Variants in CMTM6 observed in about 807,000 individuals in gnomAD.
CMTM6 encodes the protein CKLF-like MARVEL transmembrane domain-containing protein 6.
Under a neutral mutation model 13.6 loss-of-function variants are expected in CMTM6, and 5 were observed. The ratio of observed to expected loss-of-function variants is 0.37; its 90% confidence interval spans 0.19 to 0.77. The LOEUF (loss-of-function observed/expected upper bound fraction) is 0.77, where lower values mean the gene tolerates loss of function less well. CMTM6 is among the 30% of genes least tolerant of loss of function. CMTM6 has a pLI of 0.50. For missense variants in CMTM6, 196 were observed against 218.6 expected, an observed-to-expected ratio of 0.90 and a Z score of 0.65; for synonymous variants, 99 against 84.5, an observed-to-expected ratio of 1.17 and a Z score of -0.94.
chr3:32,485,102 TC>T (rs1488795918), intron 3 of CMTM6, among the ~76,000 whole-genome samples: 2 of 151,786 alleles, frequency 1.3e-5, no homozygotes, highest in East Asian at 3.9e-4. Context: ...ATGGCATTTA[TC>T]CCCTTATTTT....
intron 3 of CMTM6, among the ~76,000 whole-genome samples, chr3:32,487,349 CTAT>C (rs901158453): frequency 6.0e-5 from 9 of 150,770 alleles, no homozygotes; most frequent in Non-Finnish European, 1.2e-4. Flanking sequence ...ACTTTTTTTT[CTAT>C]TATTTTTTTT....
chr3:32,487,696 A>G, intron 3 of CMTM6: 1 of 337,322 alleles, frequency 3.0e-6, no homozygotes, highest in Non-Finnish European at 5.4e-6. Context: ...TCCATTAGCA[A>G]TAACACACGG....
chr3:32,492,271 T>C (rs915648019), intron 1 of CMTM6, among the ~76,000 whole-genome samples: 3 of 152,046 alleles, frequency 2.0e-5, no homozygotes, highest in Non-Finnish European at 4.4e-5. Context: ...AGAAGCAGTA[T>C]ATAGAAAGGC....
chr3:32,486,927 G>A (rs940589836), intron 3 of CMTM6, among the ~76,000 whole-genome samples: 6 of 152,066 alleles, frequency 3.9e-5, no homozygotes, highest in African/African-American at 7.2e-5. Context: ...CTTCCGCCTC[G>A]CCTTCTGCCA....
rs1460831480 is a variant in CMTM6, at chr3:32,502,656, G to A, written c.90C>T (p.Phe30=). The A allele has an allele frequency of 5.6e-6, 9 of 1,594,654 alleles. No homozygotes were observed. The highest frequency in any genetic ancestry group is 1.7e-5 in the Admixed American group (1 of 57,742). The change falls in exon 1 of 4, where the codon TTC becomes TTT. Residue 30 remains phenylalanine, a synonymous_variant. Transcript: ENST00000205636. ...GPRSGLAAYF[F]MGRLPLLRRV... is the part of the protein sequence containing the mutation. ...GCCGGAGCAATGGGAGCCGGCCCATGAAAAAGTAGGCAGCGAGGCCGCTCC... is the reference window on the plus strand; with the variant it reads ...GCCGGAGCAATGGGAGCCGGCCCATAAAAAAGTAGGCAGCGAGGCCGCTCC...
At position 32,487,944 on chromosome 3, in the gene CMTM6, A is replaced by G; in HGVS notation, c.408T>C (p.Ala136=). 6.2e-7 allele frequency: 1 copy of G among 1,609,270 alleles called. No individual in the cohort carries two copies. Among genetic ancestry groups the G allele is most frequent in the Non-Finnish European group, 8.5e-7 (1 of 1,176,108 alleles). ...AAAAATACAAGGTACTTACAATTGCAGCAATCTCAGCTGAAGTCCTGTCAT... is the reference window on the plus strand; with the variant it reads ...AAAAATACAAGGTACTTACAATTGCGGCAATCTCAGCTGAAGTCCTGTCAT... The part of the protein sequence containing the change: ...STHDRTSAEI[A]AIVFGFIASF... The change falls in exon 3 of 4, where the codon GCT becomes GCC. Residue 136 remains alanine, a synonymous_variant. Transcript: ENST00000205636.
In CMTM6 at chr3:32,502,799, G is replaced by A. The variant is rs1039294821; in HGVS notation, c.-54C>T. On this transcript the variant is annotated 5_prime_UTR_variant, in exon 1 of 4. Transcript: ENST00000205636. The stretch of plus-strand genomic sequence containing the variant: ...CAGCAACCGCGCCGTTGACTTCTCG[G>A]ACTCCAGAAGTCCCCGGTAGCCGGG... 16 of 1,375,914 alleles carry A rather than the reference G, an allele frequency of 1.2e-5. 1 individual carries two copies. In the South Asian group the frequency reaches 2.1e-4, roughly 18 times the overall value. 85.2% of individuals were successfully genotyped at this position (1,375,914 alleles called of 1,614,324 possible).
intron 1 of CMTM6, among the ~76,000 whole-genome samples, chr3:32,494,287 T>G (rs1359793554): frequency 6.6e-6 from 1 of 152,084 alleles, no homozygotes; most frequent in African/African-American, 2.4e-5. Context: ...ACTGATGACC[T>G]AAGTCAGAGG....
chr3:32,486,300 T>C (rs116149730), intron 3 of CMTM6, among the ~76,000 whole-genome samples: 2,270 of 152,358 alleles, frequency 0.015, 55 homozygotes, highest in African/African-American at 0.052. Flanking sequence ...TCCAAGGCCA[T>C]GATCCTTAAT....
chr3:32,486,449 A>G (rs563072405), intron 3 of CMTM6, among the ~76,000 whole-genome samples: 2 of 152,230 alleles, frequency 1.3e-5, no homozygotes, highest in African/African-American at 2.4e-5. Flanking sequence ...ATAAATATTC[A>G]TATGTTTTAC....
At chr3:32,501,397 T>A (rs1485802474) in intron 1 of CMTM6, among the ~76,000 whole-genome samples, 1 of 152,094 alleles carries the variant, frequency 6.6e-6, no homozygotes, top group Non-Finnish European at 1.5e-5. Flanking sequence ...AAAGAGCCCC[T>A]GATGCCTCGT....
At chr3:32,494,889 AGCCTCTGCTGATG>A (rs931786004) in intron 1 of CMTM6, among the ~76,000 whole-genome samples, 6 of 152,184 alleles carry the variant, frequency 3.9e-5, no homozygotes, top group African/African-American at 1.4e-4. Context: ...AGCACAGGGA[AGCCTCTGCTGATG>A]GCACAGTTCT....
rs1328141969 is a variant in CMTM6 at position 32,491,598 on chromosome 3, A to T, written c.315+112T>A. ...GAAGCAGAGCGAGTTGGAACAAGGG[A>T]TACTGTCTTTTCATGTTGCTGAGTT... On this transcript the variant is annotated intron_variant, in intron 2 of 3. Transcript: ENST00000205636. 5.4e-6 allele frequency: 5 copies of T among 930,564 alleles called. No individual in the cohort carries two copies. The East Asian group carries it at 1.0e-4, about 19-fold the overall frequency. The allele number at this position is 930,564 out of a possible 1,614,324, so 57.6% of individuals were successfully genotyped here. A position where few individuals can be genotyped will look rare whatever the true frequency, so the allele number is the denominator to read the frequency against.
chr3:32,484,355 A>G (rs1411122861), intron 3 of CMTM6, among the ~76,000 whole-genome samples: 1 of 152,192 alleles, frequency 6.6e-6, no homozygotes, highest in East Asian at 1.9e-4. Flanking sequence ...GTGCATGTTT[A>G]TATGTGGAGG....
chr3:32,489,100 C>T (rs148337716), intron 2 of CMTM6, among the ~76,000 whole-genome samples: 5 of 151,234 alleles, frequency 3.3e-5, no homozygotes, highest in Non-Finnish European at 5.9e-5. Context: ...AACCCTGTCT[C>T]TACTAAAAAT....
In CMTM6 at chr3:32,482,434, T is replaced by C. The variant is rs1437636219; in HGVS notation, c.*1526A>G. The C allele has an allele frequency of 2.0e-5, 3 of 151,260 alleles. No homozygotes were observed. Among genetic ancestry groups the C allele is most frequent in the Non-Finnish European group, 1.5e-5 (1 of 67,926 alleles). 9.4% of individuals were successfully genotyped at this position (151,260 alleles called of 1,614,324 possible). On this transcript the variant is annotated 3_prime_UTR_variant, in exon 4 of 4. Coordinates refer to ENST00000205636, the MANE Select transcript of CMTM6 (RefSeq NM_017801.3). ...GGAAACATGATTCCACTGTTTCAAATAGGAAACCTACCCTGGGAGACTTCC... is the reference window on the plus strand; with the variant it reads ...GGAAACATGATTCCACTGTTTCAAACAGGAAACCTACCCTGGGAGACTTCC...
Position 32,491,806 on chromosome 3 carries a change from A to G in CMTM6, c.219T>C (p.Phe73=). The change falls in exon 2 of 4, where the codon TTT becomes TTC. Residue 73 remains phenylalanine, a synonymous_variant. Transcript: ENST00000205636. ...TLCGGLYFFE[F]VSCSAFLLSL... The stretch of plus-strand genomic sequence containing the variant: ...TCAGAAGAAAGGCACTGCAGCTTAC[A>G]AACTCAAAAAAATAAAGTCCTCCAC... 6.2e-7 allele frequency: 1 copy of G among 1,614,014 alleles called. No individual in the cohort carries two copies. Among genetic ancestry groups the G allele is most frequent in the Non-Finnish European group, 8.5e-7 (1 of 1,179,924 alleles).
intron 1 of CMTM6, among the ~76,000 whole-genome samples, chr3:32,495,557 A>G (rs1383259702): frequency 1.3e-5 from 2 of 152,228 alleles, no homozygotes; most frequent in Admixed American, 6.5e-5. Context: ...ATAAAAGTCA[A>G]TTAACTGAGA....
Position 32,481,660 on chromosome 3 carries a change from C to T in CMTM6, c.*2300G>A, listed in dbSNP as rs182488700. Reference sequence around the variant, plus strand: ...TTTCTGGTCCCAAGTTCCCCTTGAACTTATTTACTACAATGGTCTTTTTAC... The same window carrying T: ...TTTCTGGTCCCAAGTTCCCCTTGAATTTATTTACTACAATGGTCTTTTTAC... On this transcript the variant is annotated 3_prime_UTR_variant, in exon 4 of 4. Transcript: ENST00000205636. 1 of 152,240 alleles carries T rather than the reference C, an allele frequency of 6.6e-6. No homozygotes were observed. Among genetic ancestry groups the T allele is most frequent in the African/African-American group, 2.4e-5 (1 of 41,548 alleles). The allele number at this position is 152,240 out of a possible 1,614,324, so 9.4% of individuals were successfully genotyped here. A position where few individuals can be genotyped will look rare whatever the true frequency, so the allele number is the denominator to read the frequency against.
Sources: gnomAD v4.1 joint callset for allele counts (sites outside exome capture counted in the v4.1 genomes callset) on GRCh38, gnomAD v4.1.1 for gene constraint, MANE v1.5 for transcripts, NCBI Gene and HGNC (gene_info 2026-07-23, HGNC 2026-07-21) for gene names.